SMC1A: variants seen among roughly 807,000 people sequenced by gnomAD.
The protein encoded by SMC1A is structural maintenance of chromosomes 1A.
A neutral mutation model predicts 94.5 loss-of-function variants in SMC1A; 4 were observed. The observed-to-expected ratio is 0.04, with a 90% CI of 0.02 to 0.10. The LOEUF (loss-of-function observed/expected upper bound fraction) is 0.10, where lower values mean the gene tolerates loss of function less well. Ranked by LOEUF, SMC1A falls within the 10% of genes least tolerant of loss-of-function variation. The pLI is 1.00. For missense variants in SMC1A, 304 were observed against 989.0 expected (o/e 0.31, Z 9.29); for synonymous variants, 345 against 347.7 (o/e 0.99, Z 0.09).
chrX:53,409,508 G>A lies in SMC1A; in HGVS notation c.1255-5C>T. The A allele has an allele frequency of 8.3e-7, 1 of 1,203,642 alleles. No homozygotes were observed. ...CAGCTTTTGCTTGATCTTGGCCTGG[G>A]AAACAAACATTCCATCATCAGGGGC... On this transcript the variant is annotated splice_region_variant and splice_polypyrimidine_tract_variant and intron_variant, in intron 7 of 24. Transcript: ENST00000322213.
chrX:53,394,731 T>TTCCCCCCCCCCCCCCCC, intron 19 of SMC1A, 47 bp downstream of exon 19: 1 of 416,235 alleles, frequency 2.4e-6, no homozygotes, highest in Non-Finnish European at 4.4e-6. Context: ...ATAGTCCCAC[T>TTCCCCCCCCCCCCCCCC]CCCACCCAAC....
intron 16 of SMC1A, among the ~76,000 whole-genome samples, chrX:53,397,451 C>T (rs2075655335): frequency 9.0e-6 from 1 of 111,273 alleles, no homozygotes; most frequent in African/African-American, 3.3e-5. Context: ...TGTGGTGGCA[C>T]ACGCCTGTGG....
intron 18 of SMC1A, among the ~76,000 whole-genome samples, chrX:53,395,202 G>A (rs999039215): frequency 8.9e-6 from 1 of 111,936 alleles, no homozygotes; most frequent in Non-Finnish European, 1.9e-5. Context: ...AATTAGCCAG[G>A]AGTGGTGGTG....
At chrX:53,388,538 C>A (rs2146587082) in intron 19 of SMC1A, among the ~76,000 whole-genome samples, 1 of 107,697 alleles carries the variant, frequency 9.3e-6, no homozygotes, top group Non-Finnish European at 1.9e-5. Context: ...AAAATACATA[C>A]TAGATTTTGA....
intron 9 of SMC1A, among the ~76,000 whole-genome samples, chrX:53,406,938 T>C (rs781846274): frequency 1.8e-5 from 2 of 112,058 alleles, no homozygotes; most frequent in Admixed American, 1.9e-4. Flanking sequence ...CCTCCGATGA[T>C]CTGCCCGCCT....
At chrX:53,380,762 G>T in intron 23 of SMC1A, 32 bp from the exon 24 acceptor site, 1 of 1,012,434 alleles carries the variant, frequency 9.9e-7, no homozygotes, top group Non-Finnish European at 1.4e-6. Flanking sequence ...ACTTAGCAAG[G>T]CTCAAACCTT....
rs1442402743 is a variant in SMC1A at position 53,409,557 on chromosome X, T to C, written c.1255-54A>G. The C allele has an allele frequency of 7.1e-6, 7 of 991,999 alleles. No individual in the cohort carries two copies. The South Asian group carries it at 1.2e-4, about 16-fold the overall frequency. 81.8% of individuals were successfully genotyped at this position (991,999 alleles called of 1,213,427 possible). ...GCTGCACGAGTTTACGCCAAGACCA[T>C]GGGGGCTCTAGATCACACCCTTTAT... On this transcript the variant is annotated intron_variant, in intron 7 of 24. Transcript: ENST00000322213.
intron 15 of SMC1A, 151 bp from the exon 16 acceptor site, chrX:53,399,881 T>A: frequency 1.3e-5 from 7 of 542,025 alleles, no homozygotes; most frequent in Non-Finnish European, 2.1e-5. Flanking sequence ...GCTTCATCCA[T>A]CCATATGCAC....
intron 1 of SMC1A, among the ~76,000 whole-genome samples, chrX:53,416,272 C>G (rs1470799187): frequency 1.0e-5 from 1 of 99,704 alleles, no homozygotes; most frequent in Admixed American, 1.1e-4. Context: ...CACTGCACTC[C>G]AGCCTGGGCA....
At chrX:53,410,230 C>T (rs913860984) in intron 7 of SMC1A, among the ~76,000 whole-genome samples, 19 of 111,568 alleles carry the variant, frequency 1.7e-4, no homozygotes, top group East Asian at 5.6e-4. Flanking sequence ...CACGGTGGCT[C>T]GCGCCTGTAA....
chrX:53,388,853 C>T (rs2075615421), intron 19 of SMC1A, among the ~76,000 whole-genome samples: 2 of 107,392 alleles, frequency 1.9e-5, no homozygotes, highest in Non-Finnish European at 3.8e-5. Context: ...AAAAATTAGC[C>T]GGGCGTGGTG....
chrX:53,412,859 C>A, intron 5 of SMC1A, 41 bp downstream of exon 5: 1 of 1,211,221 alleles, frequency 8.3e-7, no homozygotes, highest in Non-Finnish European at 1.1e-6. Context: ...AGCACGGCCT[C>A]TTGGTTTCCC....
chrX:53,402,718 G>A lies in SMC1A; in HGVS notation c.2420+848C>T, dbSNP rs190504043. ...TCTCTACTAATAAGAAAAATTAGCCGGGCATGGTGGCGTGCACTTATAGTC... is the reference window on the plus strand; with the variant it reads ...TCTCTACTAATAAGAAAAATTAGCCAGGCATGGTGGCGTGCACTTATAGTC... On this transcript the variant is annotated intron_variant, in intron 15 of 24. Transcript: ENST00000322213. Among the ~76,000 whole-genome samples, 22 of 102,544 alleles carry A rather than the reference G, an allele frequency of 2.1e-4. No homozygotes were observed. The East Asian group carries it at 6.5e-3, about 30-fold the overall frequency. The allele number at this position is 102,544 out of a possible 115,157, so 89.0% of individuals were successfully genotyped here. A position where few individuals can be genotyped will look rare whatever the true frequency, so the allele number is the denominator to read the frequency against.
chrX:53,411,187 GATA>G (rs1436828641), intron 7 of SMC1A, among the ~76,000 whole-genome samples: 5 of 110,819 alleles, frequency 4.5e-5, no homozygotes, highest in Non-Finnish European at 9.4e-5. Flanking sequence ...ATTCCATAAA[GATA>G]ATAATAAATG....
chrX:53,381,091 G>A lies in SMC1A; in HGVS notation c.3438-4C>T, dbSNP rs1266839495. 1.7e-6 allele frequency: 2 copies of A among 1,187,549 alleles called. No individual in the cohort carries two copies. Among genetic ancestry groups the A allele is most frequent in the Non-Finnish European group, 2.3e-6 (2 of 875,734 alleles). On this transcript the variant is annotated splice_region_variant and splice_polypyrimidine_tract_variant and intron_variant, in intron 22 of 24. Coordinates refer to ENST00000322213, the MANE Select transcript of SMC1A (RefSeq NM_006306.4). ...GAAGAAGGGGGCTGGCTTGTAGCTG[G>A]GAGGGAACCAGTAGGTGAGCTGACA...
intron 21 of SMC1A, 24 bp from the exon 22 acceptor site, chrX:53,382,407 G>A: frequency 8.3e-7 from 1 of 1,201,037 alleles, no homozygotes; most frequent in South Asian, 1.8e-5. Context: ...GATGGGTCAG[G>A]ATCTGTATCT....
chrX:53,411,937 C>G, intron 6 of SMC1A, 36 bp from the exon 7 acceptor site: 1 of 1,211,360 alleles, frequency 8.3e-7, no homozygotes, highest in Non-Finnish European at 1.1e-6. Context: ...CAGGGATGAC[C>G]AAGTCAGCAG....
chrX:53,404,729 C>T (rs2075684570), intron 13 of SMC1A, among the ~76,000 whole-genome samples: 1 of 111,514 alleles, frequency 9.0e-6, no homozygotes, highest in Non-Finnish European at 1.9e-5. Context: ...AGGTGATCCA[C>T]AGGTGATCCA....
intron 9 of SMC1A, among the ~76,000 whole-genome samples, chrX:53,407,622 C>T (rs2075696033): frequency 9.0e-6 from 1 of 111,722 alleles, no homozygotes; most frequent in Non-Finnish European, 1.9e-5. Flanking sequence ...CTGAGACTTG[C>T]AATTGGCACC....
Sources: allele counts gnomAD v4.1 joint callset (sites outside exome capture counted in the v4.1 genomes callset), GRCh38; gene constraint gnomAD v4.1.1; transcripts MANE v1.5; gene names NCBI Gene and HGNC (gene_info 2026-07-23, HGNC 2026-07-21).